The following OASL variants were observed in gnomAD, a reference collection of about 807,000 sequenced individuals.
The protein encoded by OASL is 2'-5'-oligoadenylate synthetase like.
A neutral mutation model predicts 35.3 loss-of-function variants in OASL; 28 were observed. The observed-to-expected ratio is 0.79, with a 90% CI of 0.59 to 1.09. The LOEUF (loss-of-function observed/expected upper bound fraction) is 1.09. OASL is among the 50% of genes least tolerant of loss of function. The pLI is 0.00. For missense variants in OASL, 620 were observed against 635.2 expected (o/e 0.98, Z 0.26); for synonymous variants, 252 against 254.6 (o/e 0.99, Z 0.10).
intron 1 of OASL, among the ~76,000 whole-genome samples, chr12:121,035,542 A>AAACAACAG (rs1869921377): frequency 4.8e-5 from 1 of 21,032 alleles, no homozygotes; most frequent in African/African-American, 1.6e-4. Context: ...CAAAACAACA[A>AAACAACAG]AAAAAAACGC....
chr12:121,018,869 C>CAAAAAA (rs1158102389), downstream of OASL, among the ~76,000 whole-genome samples: 13 of 55,274 alleles, frequency 2.4e-4, no homozygotes, highest in Middle Eastern at 0.01. Flanking sequence ...GACTCCATCT[C>CAAAAAA]AAAAAAAAAA....
At chr12:121,018,250 C>T (rs1869098361), downstream of OASL, among the ~76,000 whole-genome samples, 2 of 152,252 alleles carry the variant, frequency 1.3e-5, no homozygotes, top group African/African-American at 2.4e-5. Context: ...AAAATGGCGT[C>T]AGCACCAAAT....
chr12:121,025,470 C>T (rs1266046519), intron 4 of OASL, among the ~76,000 whole-genome samples: 1 of 152,126 alleles, frequency 6.6e-6, no homozygotes, highest in African/African-American at 2.4e-5. Context: ...CCATGATTAA[C>T]ACCAGCTCTT....
At chr12:121,025,136 C>T (rs1869428199) in intron 4 of OASL, among the ~76,000 whole-genome samples, 1 of 151,926 alleles carries the variant, frequency 6.6e-6, no homozygotes, top group Admixed American at 6.6e-5. Context: ...CGCCACCACG[C>T]CCAGCTAATT....
At chr12:121,025,511 T>A (rs1297966579) in intron 4 of OASL, among the ~76,000 whole-genome samples, 1 of 151,864 alleles carries the variant, frequency 6.6e-6, no homozygotes, top group Non-Finnish European at 1.5e-5. Context: ...ACGCCTATAA[T>A]CCCAGCATTT....
chr12:121,033,437 CG>C (rs1565906922), intron 2 of OASL, 23 bp downstream of exon 2: 1 of 1,599,310 alleles, frequency 6.3e-7, no homozygotes, highest in Admixed American at 1.7e-5. Context: ...GTGTGTGAGT[CG>C]GGTGAGCTTC....
At chr12:121,018,393 C>T (rs1267681655), downstream of OASL, among the ~76,000 whole-genome samples, 2 of 152,096 alleles carry the variant, frequency 1.3e-5, no homozygotes, top group East Asian at 1.9e-4. Context: ...GCTCTCTTCC[C>T]GCTTCTGCTA....
chr12:121,020,367 T>C (rs1869178559), exon 6 of OASL: 2 of 571,816 alleles, frequency 3.5e-6, no homozygotes, highest in Non-Finnish European at 6.1e-6. Flanking sequence ...ACTCCTCGGC[T>C]CAAGCGCTCC....
At chr12:121,024,477 G>A (rs1869398594) in intron 4 of OASL, among the ~76,000 whole-genome samples, 1 of 152,154 alleles carries the variant, frequency 6.6e-6, no homozygotes, top group African/African-American at 2.4e-5. Flanking sequence ...AATTAGCCAG[G>A]TGTGGTGGTA....
rs766581317 is a variant in OASL at position 121,021,073 on chromosome 12, GAGA to G, written c.1048-18_1048-16del. On this transcript the variant is annotated splice_polypyrimidine_tract_variant and intron_variant, in intron 5 of 5. Transcript: ENST00000257570. ...TCTCGTGCCCTCTGGAAGGGAGAGG[GAGA>G]AGGAGAGGTGTTAAGTCCACACTTC... The G allele has an allele frequency of 3.0e-5, 47 of 1,544,988 alleles. No homozygotes were observed. Among genetic ancestry groups the G allele is most frequent in the Middle Eastern group, 2.1e-4 (1 of 4,878 alleles).
exon 4 of OASL, chr12:121,027,676 G>A (rs531274654): frequency 3.7e-6 from 6 of 1,614,216 alleles, no homozygotes; most frequent in South Asian, 2.2e-5. Context: ...TACTCCAGGA[G>A]CAGGTCCATC....
chr12:121,033,375 C>T (rs1380478690), intron 2 of OASL, 86 bp downstream of exon 2: 7 of 1,339,962 alleles, frequency 5.2e-6, no homozygotes, highest in Non-Finnish European at 7.3e-6. Flanking sequence ...TGGGTGTGTG[C>T]ACGTGGCCAT....
At chr12:121,024,134 G>A (rs766429407) in exon 5 of OASL, 1 of 1,613,912 alleles carries the variant, frequency 6.2e-7, no homozygotes, top group South Asian at 1.1e-5. Flanking sequence ...CCAGGATGAT[G>A]GGCCTGTAAC....
intron 1 of OASL, among the ~76,000 whole-genome samples, chr12:121,036,737 T>C (rs1869972544): frequency 6.6e-6 from 1 of 152,292 alleles, no homozygotes; most frequent in Admixed American, 6.5e-5. Context: ...TTCTCAAGTT[T>C]GTTGGGGAGG....
At chr12:121,030,348 G>T (rs1363124235) in intron 3 of OASL, among the ~76,000 whole-genome samples, 1 of 152,090 alleles carries the variant, frequency 6.6e-6, no homozygotes, top group African/African-American at 2.4e-5. Context: ...GGGACTACAG[G>T]CGCCCGCCAC....
chr12:121,030,157 G>C (rs1049291892), intron 3 of OASL, among the ~76,000 whole-genome samples: 2 of 152,164 alleles, frequency 1.3e-5, no homozygotes. Flanking sequence ...TTACAGGCGT[G>C]AGCTACCACA....
At chr12:121,020,689 G>T (rs752164428) in exon 6 of OASL, 1 of 1,614,202 alleles carries the variant, frequency 6.2e-7, no homozygotes, top group East Asian at 2.2e-5. Flanking sequence ...AGCTGCTGCT[G>T]CTTTTTAGGA....
intron 3 of OASL, among the ~76,000 whole-genome samples, 196 bp from the exon 4 acceptor site, chr12:121,028,013 T>C (rs1263027569): frequency 6.6e-6 from 1 of 152,342 alleles, no homozygotes; most frequent in East Asian, 1.9e-4. Flanking sequence ...AGTTAGTCCA[T>C]TGGGCTTCAA....
At chr12:121,024,599 C>T (rs1869403926) in intron 4 of OASL, among the ~76,000 whole-genome samples, 1 of 152,008 alleles carries the variant, frequency 6.6e-6, no homozygotes, top group African/African-American at 2.4e-5. Context: ...GCCTGGGTGA[C>T]CGAGTGAGAC....
Sources: allele counts gnomAD v4.1 joint callset (sites outside exome capture counted in the v4.1 genomes callset), GRCh38; gene constraint gnomAD v4.1.1; transcripts MANE v1.5; gene names NCBI Gene and HGNC (gene_info 2026-07-23, HGNC 2026-07-21).